THSD4: variants seen among roughly 807,000 people sequenced by gnomAD.
THSD4 encodes thrombospondin type-1 domain-containing protein 4.
THSD4 carries 69 observed loss-of-function variants against 119.0 expected under a neutral mutation model. That is an observed-to-expected ratio of 0.58 (90% CI 0.48 to 0.71). THSD4 has a LOEUF of 0.71. Ranked by LOEUF, THSD4 falls within the 30% of genes least tolerant of loss-of-function variation. The pLI, the probability that THSD4 is intolerant of heterozygous loss-of-function variation, is 0.00. For missense variants in THSD4, 1,393 were observed against 1,391.1 expected (o/e 1.00, Z -0.02); for synonymous variants, 524 against 540.4 (o/e 0.97, Z 0.42).
chr15:71,339,826 G>T (rs552808306), intron 6 of THSD4, among the ~76,000 whole-genome samples: 7 of 152,002 alleles, frequency 4.6e-5, no homozygotes, highest in Admixed American at 2.0e-4. Flanking sequence ...GTGCAGTGGC[G>T]CGATCTCCGC....
In THSD4 at chr15:71,273,370, G is replaced by C. The variant is rs1379163527; in HGVS notation, c.1015+16655G>C. Reference sequence around the variant, plus strand: ...CTCAGAAGAAGAGAGTAGAATGGCAGTTACCAGAGGCTGAGGAGGGAGGGA... The same window carrying C: ...CTCAGAAGAAGAGAGTAGAATGGCACTTACCAGAGGCTGAGGAGGGAGGGA... On this transcript the variant is annotated intron_variant, in intron 6 of 17. Coordinates refer to ENST00000261862, the MANE Select transcript of THSD4 (RefSeq NM_024817.3). Among the ~76,000 whole-genome samples the C allele has an allele frequency of 2.0e-5, 3 of 152,308 alleles. No individual in the cohort carries two copies. In the East Asian group the frequency reaches 5.8e-4, roughly 29 times the overall value.
Position 71,271,466 on chromosome 15 carries a change from A to T in THSD4, c.1015+14751A>T. On this transcript the variant is annotated intron_variant, in intron 6 of 17. Coordinates refer to ENST00000261862, the MANE Select transcript of THSD4 (RefSeq NM_024817.3). ...AAATCAGAACAGTGTTTGCCTATGC[A>T]GGTGGGAGGAGTATTATAGCTGGAA... Among the ~76,000 whole-genome samples, 2 of 152,248 alleles carry T rather than the reference A, an allele frequency of 1.3e-5. 1 individual carries two copies.
chr15:71,498,726 C>T (rs2048064947), intron 7 of THSD4, among the ~76,000 whole-genome samples: 1 of 152,074 alleles, frequency 6.6e-6, no homozygotes, highest in South Asian at 2.1e-4. Flanking sequence ...AACAGTGTCT[C>T]ACTTTGTCAC....
intron 7 of THSD4, among the ~76,000 whole-genome samples, chr15:71,479,932 C>T (rs1019580157): frequency 1.3e-4 from 20 of 152,170 alleles, no homozygotes; most frequent in East Asian, 3.8e-4. Context: ...TTGTGTATTT[C>T]GGTCCAGGTT....
At chr15:71,125,900 G>A (rs1350050389) in intron 1 of THSD4, among the ~76,000 whole-genome samples, 1 of 152,232 alleles carries the variant, frequency 6.6e-6, no homozygotes, top group African/African-American at 2.4e-5. Flanking sequence ...TTGTTTAGGG[G>A]GTGGTGGCGC....
chr15:71,758,683 T>C (rs545876041), intron 15 of THSD4, among the ~76,000 whole-genome samples: 15 of 152,362 alleles, frequency 9.8e-5, no homozygotes, highest in African/African-American at 3.4e-4. Flanking sequence ...ATCATCAGTA[T>C]TGGAGTTCTT....
At chr15:71,728,483 G>T (rs1171763293) in intron 8 of THSD4, 66 bp from the exon 9 acceptor site, 9 of 1,559,948 alleles carry the variant, frequency 5.8e-6, no homozygotes, top group Non-Finnish European at 7.9e-6. Context: ...GAAACTGGGG[G>T]AGTCAGTTCT....
chr15:71,555,747 T>C (rs2049006476), intron 7 of THSD4, among the ~76,000 whole-genome samples: 1 of 152,210 alleles, frequency 6.6e-6, no homozygotes, highest in Non-Finnish European at 1.5e-5. Flanking sequence ...CTTTCTAAAA[T>C]TATTGAGGTT....
chr15:71,221,025 A>T (rs113459433), intron 4 of THSD4, among the ~76,000 whole-genome samples: 4 of 152,164 alleles, frequency 2.6e-5, no homozygotes, highest in African/African-American at 9.7e-5. Flanking sequence ...TCCAGGCCCA[A>T]GGCTGTGTCC....
intron 1 of THSD4, among the ~76,000 whole-genome samples, chr15:71,125,315 G>A (rs1018413734): frequency 1.3e-5 from 2 of 152,070 alleles, no homozygotes; most frequent in African/African-American, 4.8e-5. Context: ...AAAGGCAGGC[G>A]AGAGCATAGA....
chr15:71,667,366 G>A (rs2051437228), intron 8 of THSD4, among the ~76,000 whole-genome samples: 1 of 152,264 alleles, frequency 6.6e-6, no homozygotes, highest in Admixed American at 6.5e-5. Context: ...GCATAGTTCA[G>A]TCAGTTCAGT....
chr15:71,236,745 C>T (rs921628659), intron 4 of THSD4, among the ~76,000 whole-genome samples: 5 of 152,154 alleles, frequency 3.3e-5, no homozygotes, highest in African/African-American at 1.2e-4. Flanking sequence ...AGTCCCTGCC[C>T]TGAAGGAGCC....
intron 6 of THSD4, among the ~76,000 whole-genome samples, chr15:71,310,349 C>T (rs927277908): frequency 3.9e-5 from 6 of 152,090 alleles, no homozygotes; most frequent in Non-Finnish European, 8.8e-5. Context: ...TCTGAAGGCT[C>T]ATTGAGAAAT....
At chr15:71,486,852 T>C (rs950270209) in intron 7 of THSD4, among the ~76,000 whole-genome samples, 19 of 151,818 alleles carry the variant, frequency 1.3e-4, no homozygotes, top group African/African-American at 4.6e-4. Flanking sequence ...TCAAGAGGAG[T>C]ACCTATGAGA....
chr15:71,402,020 C>A (rs2046540894), intron 6 of THSD4, among the ~76,000 whole-genome samples: 1 of 149,590 alleles, frequency 6.7e-6, no homozygotes, highest in Non-Finnish European at 1.5e-5. Flanking sequence ...TCAAACACCG[C>A]ATGTTCTCAC....
intron 6 of THSD4, among the ~76,000 whole-genome samples, chr15:71,335,842 T>C (rs2045483249): frequency 6.6e-6 from 1 of 152,062 alleles, no homozygotes; most frequent in Non-Finnish European, 1.5e-5. Flanking sequence ...AATTAGGATG[T>C]GTAAAATAAA....
intron 6 of THSD4, among the ~76,000 whole-genome samples, chr15:71,351,122 A>G (rs1351278933): frequency 1.3e-5 from 2 of 152,172 alleles, no homozygotes; most frequent in South Asian, 2.1e-4. Flanking sequence ...GAGGAGTAGC[A>G]GAAGTCCATC....
intron 7 of THSD4, among the ~76,000 whole-genome samples, chr15:71,515,012 C>CT (rs1196945466): frequency 6.6e-6 from 1 of 152,178 alleles, no homozygotes; most frequent in Non-Finnish European, 1.5e-5. Context: ...CATTTGCTCA[C>CT]TTTTTTTCAG....
At chr15:71,584,270 T>TTTTTC (rs2049619271) in intron 7 of THSD4, among the ~76,000 whole-genome samples, 4 of 97,606 alleles carry the variant, frequency 4.1e-5, no homozygotes, top group Non-Finnish European at 7.5e-5. Flanking sequence ...TTCTTTTTTT[T>TTTTTC]TTTTTTTTTT....
Sources: gnomAD v4.1 joint callset for allele counts (sites outside exome capture counted in the v4.1 genomes callset) on GRCh38, gnomAD v4.1.1 for gene constraint, MANE v1.5 for transcripts, NCBI Gene and HGNC (gene_info 2026-07-23, HGNC 2026-07-21) for gene names.